ATG3: variants seen among roughly 807,000 people sequenced by gnomAD.
ATG3 encodes autophagy related 3.
ATG3 carries 25 observed loss-of-function variants against 50.7 expected under a neutral mutation model. The observed-to-expected ratio is 0.49, with a 90% CI of 0.36 to 0.69. The LOEUF (loss-of-function observed/expected upper bound fraction) is 0.69, where lower values mean the gene tolerates loss of function less well. Ranked by LOEUF, ATG3 falls within the 30% of genes least tolerant of loss-of-function variation. The probability of loss-of-function intolerance (pLI) is 0.00; values close to 1 mark genes in which losing one functional copy is unlikely to be tolerated. For missense variants in ATG3, 281 were observed against 376.0 expected, an observed-to-expected ratio of 0.75 and a Z score of 2.09; for synonymous variants, 119 against 125.5, an observed-to-expected ratio of 0.95 and a Z score of 0.34.
At chr3:112,538,003 T>A (rs1413767067) in intron 8 of ATG3, 113 bp from the exon 9 acceptor site, 6 of 1,267,258 alleles carry the variant, frequency 4.7e-6, no homozygotes, top group Non-Finnish European at 6.6e-6. Context: ...TAAATGAACT[T>A]GGAACTCAAA....
rs1159369693 is a variant in ATG3, at chr3:112,561,472, C to G, written c.57G>C (p.Leu19=). 6.2e-7 allele frequency: 1 copy of G among 1,613,438 alleles called. No homozygotes were observed. The highest frequency in any genetic ancestry group is 2.2e-5 in the East Asian group (1 of 44,892). Residue 19 remains leucine (L), a synonymous_variant, in exon 1 of 12, where the codon CTG becomes CTC. Coordinates refer to ENST00000283290, the MANE Select transcript of ATG3 (RefSeq NM_022488.5). The part of the protein sequence containing the change: ...KGKALEVAEY[L]TPVLKESKFK... ...CCTGGCTTACCTTGAGGACCGGGGT[C>G]AGGTACTCAGCCACTTCCAGTGCCT...
intron 7 of ATG3, among the ~76,000 whole-genome samples, chr3:112,538,793 A>C (rs1025306866): frequency 1.3e-5 from 2 of 152,238 alleles, no homozygotes; most frequent in East Asian, 3.9e-4. Flanking sequence ...AATACTGATG[A>C]CTTTCAAATT....
chr3:112,539,782 G>C (rs1162869540), intron 7 of ATG3, among the ~76,000 whole-genome samples: 1 of 152,100 alleles, frequency 6.6e-6, no homozygotes, highest in Non-Finnish European at 1.5e-5. Flanking sequence ...CAACTGTTGA[G>C]CAAAATTACA....
At chr3:112,551,646 C>T (rs2107385024) in intron 3 of ATG3, among the ~76,000 whole-genome samples, 1 of 151,540 alleles carries the variant, frequency 6.6e-6, no homozygotes, top group Non-Finnish European at 1.5e-5. Context: ...GCTGGTAGAA[C>T]AAAGAAATCT....
chr3:112,556,737 T>C lies in ATG3; in HGVS notation c.114+1639A>G, dbSNP rs1576728714. Among the ~76,000 whole-genome samples, 6 of 152,130 alleles carry C rather than the reference T, an allele frequency of 3.9e-5. No individual in the cohort carries two copies. The East Asian group carries it at 7.7e-4, about 20-fold the overall frequency. On this transcript the variant is annotated intron_variant, in intron 2 of 11. Coordinates refer to ENST00000283290, the MANE Select transcript of ATG3 (RefSeq NM_022488.5). The stretch of plus-strand genomic sequence containing the variant: ...ATCTGTGACCTTACCCCCAACCCTG[T>C]GCTCTCTGAAACATGTGCTGTGTCC...
At chr3:112,540,388 T>C (rs748064887) in intron 7 of ATG3, among the ~76,000 whole-genome samples, 3 of 152,348 alleles carry the variant, frequency 2.0e-5, no homozygotes, top group Admixed American at 1.3e-4. Context: ...CTAAAGTCTA[T>C]GTATTTTTGG....
chr3:112,552,555 AAAG>A (rs1933556431), intron 3 of ATG3, among the ~76,000 whole-genome samples: 1 of 151,812 alleles, frequency 6.6e-6, no homozygotes, highest in African/African-American at 2.4e-5. Flanking sequence ...TTTATATTTT[AAAG>A]AACATAAAAC....
intron 1 of ATG3, among the ~76,000 whole-genome samples, chr3:112,560,056 C>G (rs1256055419): frequency 1.3e-5 from 2 of 152,218 alleles, no homozygotes; most frequent in African/African-American, 4.8e-5. Flanking sequence ...TACATACTGA[C>G]ATGCCAACAG....
intron 10 of ATG3, chr3:112,536,176 C>A: frequency 3.6e-6 from 1 of 278,930 alleles, no homozygotes; most frequent in Non-Finnish European, 6.8e-6. Context: ...CAGAATCTTC[C>A]AAACTGTTCT....
At chr3:112,539,396 G>A (rs2638016) in intron 7 of ATG3, among the ~76,000 whole-genome samples, 36,830 of 151,904 alleles carry the variant, frequency 0.24, 8,522 homozygotes, top group African/African-American at 0.6. Flanking sequence ...TAAGCCAAAC[G>A]TGTTCCCACC....
chr3:112,537,484 CA>C (rs1933102246), intron 9 of ATG3: 3 of 282,926 alleles, frequency 1.1e-5, no homozygotes, highest in Non-Finnish European at 1.9e-5. Context: ...ATTTTGAAGG[CA>C]TAAGCCTTCA....
chr3:112,533,308 T>A (rs1261787818), intron 11 of ATG3: 14 of 984,966 alleles, frequency 1.4e-5, no homozygotes, highest in Non-Finnish European at 1.6e-5. Context: ...TTAAAAACAT[T>A]AGGAGCTTAC....
intron 11 of ATG3, chr3:112,533,029 C>A: frequency 1.8e-6 from 2 of 1,113,794 alleles, no homozygotes; most frequent in Non-Finnish European, 2.2e-6. Context: ...CATATAAGCA[C>A]AATTACTTTG....
Position 112,533,425 on chromosome 3 carries a change from C to G in ATG3, c.864-645G>C. On this transcript the variant is annotated intron_variant, in intron 11 of 11. Coordinates refer to ENST00000283290, the MANE Select transcript of ATG3 (RefSeq NM_022488.5). ...GTGCCAGTTAGGCATAATAGGACTT[C>G]AGGAGTAAATATGGTTTGGACTGGA... 8 of 985,206 alleles carry G rather than the reference C, an allele frequency of 8.1e-6. No individual in the cohort carries two copies. In the South Asian group the frequency reaches 2.8e-4, roughly 35 times the overall value. The allele number at this position is 985,206 out of a possible 1,614,324, so 61.0% of individuals were successfully genotyped here.
chr3:112,546,923 G>A (rs1244458841), intron 5 of ATG3, among the ~76,000 whole-genome samples: 1 of 152,132 alleles, frequency 6.6e-6, no homozygotes, highest in African/African-American at 2.4e-5. Context: ...TATAGCACTC[G>A]ACTCATTAAT....
chr3:112,542,356 A>G (rs903854211), intron 6 of ATG3, among the ~76,000 whole-genome samples: 1 of 152,150 alleles, frequency 6.6e-6, no homozygotes, highest in Non-Finnish European at 1.5e-5. Context: ...CAGACTTTAC[A>G]GTTATTAAAA....
chr3:112,555,832 G>A (rs1933655857), intron 2 of ATG3, among the ~76,000 whole-genome samples: 1 of 152,170 alleles, frequency 6.6e-6, no homozygotes, highest in Non-Finnish European at 1.5e-5. Flanking sequence ...TTTTTAGAGA[G>A]GAAAATTCAT....
intron 2 of ATG3, among the ~76,000 whole-genome samples, chr3:112,554,897 C>T (rs972617940): frequency 1.2e-4 from 18 of 152,044 alleles, no homozygotes; most frequent in Non-Finnish European, 2.2e-4. Context: ...TCTTTTACTT[C>T]GAATAACCTT....
intron 1 of ATG3, among the ~76,000 whole-genome samples, chr3:112,560,346 G>C (rs1405033947): frequency 6.6e-6 from 1 of 152,174 alleles, no homozygotes; most frequent in East Asian, 1.9e-4. Flanking sequence ...ACAAATGTAA[G>C]CAAAGCAACA....
Sources: gnomAD v4.1 joint callset for allele counts (sites outside exome capture counted in the v4.1 genomes callset) on GRCh38, gnomAD v4.1.1 for gene constraint, MANE v1.5 for transcripts, NCBI Gene and HGNC (gene_info 2026-07-23, HGNC 2026-07-21) for gene names.